The following KCNN3 variants were observed in gnomAD, a reference collection of about 807,000 sequenced individuals.
KCNN3 encodes small conductance calcium-activated potassium channel protein 3.
KCNN3 carries 16 observed loss-of-function variants against 62.9 expected under a neutral mutation model. The ratio of observed to expected loss-of-function variants is 0.25; its 90% CI spans 0.17 to 0.39. The LOEUF (loss-of-function observed/expected upper bound fraction) is 0.39. Among genes scored for constraint, KCNN3 ranks in the 10% least tolerant of loss-of-function variants. The pLI, the probability that KCNN3 is intolerant of heterozygous loss-of-function variation, is 1.00. For synonymous variants in KCNN3, 370 were observed against 389.2 expected (o/e 0.95, Z 0.58); for missense variants, 599 against 949.4 (o/e 0.63, Z 4.85).
In KCNN3 at chr1:154,869,752, C is replaced by CTGCTGCTGCTGT. The variant is rs1653102982; in HGVS notation, c.212_213insACAGCAGCAGCA (p.Gln77_Gln80dup). ...GCTGCTGCTGCTGCTGCTGCTGCTG[C>CTGCTGCTGCTGT]TGCTGCTGCTGCTGAAGCTGCGGAG... On this transcript the variant is annotated inframe_insertion, in exon 1 of 8. Coordinates refer to ENST00000271915, the MANE Select transcript of KCNN3 (RefSeq NM_002249.6). The surrounding 1 kb of genome is among the most constrained non-coding windows in gnomAD (Gnocchi z 6.1). The CTGCTGCTGCTGT allele has an allele frequency of 6.6e-7, 1 of 1,524,064 alleles. No homozygotes were observed. The highest frequency in any genetic ancestry group is 1.4e-5 in the African/African-American group (1 of 72,316). 94.4% of individuals were successfully genotyped at this position (1,524,064 alleles called of 1,614,324 possible). A position where few individuals can be genotyped will look rare whatever the true frequency, so the allele number is the denominator to read the frequency against.
rs1458304703 is a variant in KCNN3 at position 154,702,748 on chromosome 1, T to C, written c.*5228A>G. Reference sequence around the variant, plus strand: ...ATATATATATATATATATATATATATGTACTTTTTCTTTTTGGCTATAAAT... The same window carrying C: ...ATATATATATATATATATATATATACGTACTTTTTCTTTTTGGCTATAAAT... On this transcript the variant is annotated 3_prime_UTR_variant, in exon 8 of 8. Coordinates refer to ENST00000271915, the MANE Select transcript of KCNN3 (RefSeq NM_002249.6). 1.8e-5 allele frequency: 2 copies of C among 113,420 alleles called. No homozygotes were observed. The highest frequency in any genetic ancestry group is 1.9e-4 in the Admixed American group (2 of 10,538). 7.0% of individuals were successfully genotyped at this position (113,420 alleles called of 1,614,324 possible).
At chr1:154,753,244 A>C (rs12122731) in intron 3 of KCNN3, among the ~76,000 whole-genome samples, 1 of 151,874 alleles carries the variant, frequency 6.6e-6, no homozygotes, top group Non-Finnish European at 1.5e-5. Flanking sequence ...TTCTCCAAAA[A>C]AGTCTAGCCA....
In KCNN3 at chr1:154,869,003, A is replaced by C; in HGVS notation, c.933+29T>G. ...TGCTACCTACATATTCCTTTTGTTCAAGGTATAAAGAGAAACCACAGCCCC... is the reference window on the plus strand; with the variant it reads ...TGCTACCTACATATTCCTTTTGTTCCAGGTATAAAGAGAAACCACAGCCCC... On this transcript the variant is annotated intron_variant, in intron 1 of 7. Transcript: ENST00000271915. The surrounding 1 kb of genome is among the most constrained non-coding windows in gnomAD (Gnocchi z 6.1). 2 of 1,609,556 alleles carry C rather than the reference A, an allele frequency of 1.2e-6. No individual in the cohort carries two copies. The highest frequency in any genetic ancestry group is 1.7e-6 in the Non-Finnish European group (2 of 1,176,746).
chr1:154,801,556 G>T (rs891762992), intron 2 of KCNN3, among the ~76,000 whole-genome samples: 19 of 152,192 alleles, frequency 1.2e-4, no homozygotes, highest in Non-Finnish European at 1.8e-4. Context: ...TCTTTAACTA[G>T]GAATCTATTT....
chr1:154,842,236 C>T (rs965324543), intron 1 of KCNN3, among the ~76,000 whole-genome samples: 8 of 152,178 alleles, frequency 5.3e-5, no homozygotes, highest in African/African-American at 1.7e-4. Context: ...GTGATCATGG[C>T]GGCCCCCTTC....
At chr1:154,867,874 G>A (rs1452613448) in intron 1 of KCNN3, 8 of 863,042 alleles carry the variant, frequency 9.3e-6, no homozygotes, top group Non-Finnish European at 1.1e-5. Context: ...CTTGTCCACC[G>A]ATTCCCAGGT....
chr1:154,708,698 C>T (rs1700013409), intron 7 of KCNN3, among the ~76,000 whole-genome samples: 1 of 152,004 alleles, frequency 6.6e-6, no homozygotes, highest in African/African-American at 2.4e-5. Flanking sequence ...GGCTCAAGTA[C>T]ACATCTGCAG....
At chr1:154,758,067 C>G (rs1003218419) in intron 3 of KCNN3, among the ~76,000 whole-genome samples, 7 of 152,120 alleles carry the variant, frequency 4.6e-5, no homozygotes, top group African/African-American at 1.7e-4. Flanking sequence ...TCGTGCGGAC[C>G]CAGAGAACTG....
chr1:154,812,241 AG>A (rs1356809360), intron 2 of KCNN3, among the ~76,000 whole-genome samples: 1 of 152,238 alleles, frequency 6.6e-6, no homozygotes, highest in Non-Finnish European at 1.5e-5. Flanking sequence ...GCACTCTCAG[AG>A]AAACAGAATA....
At chr1:154,831,163 G>T (rs1651364781) in intron 1 of KCNN3, among the ~76,000 whole-genome samples, 1 of 152,340 alleles carries the variant, frequency 6.6e-6, no homozygotes, top group African/African-American at 2.4e-5. Flanking sequence ...GGTCCTTGCT[G>T]CTCCTAAGGT....
intron 1 of KCNN3, among the ~76,000 whole-genome samples, chr1:154,822,697 C>G (rs547443989): frequency 1.4e-3 from 211 of 152,356 alleles, no homozygotes; most frequent in Non-Finnish European, 2.7e-3. Flanking sequence ...CTCTCATCTC[C>G]TGGCTTAGGC....
intron 3 of KCNN3, chr1:154,737,203 A>C: frequency 7.3e-6 from 1 of 136,666 alleles, no homozygotes. Flanking sequence ...GCAATAGAAA[A>C]TTTGGGGGGG....
intron 1 of KCNN3, among the ~76,000 whole-genome samples, chr1:154,842,624 C>T: frequency 3.2e-5 from 2 of 63,076 alleles, no homozygotes; most frequent in South Asian, 1.4e-3. Context: ...GTGGCTCATT[C>T]AGGGACCCCC....
At chr1:154,787,054 T>A (rs1649312513) in intron 2 of KCNN3, among the ~76,000 whole-genome samples, 1 of 152,182 alleles carries the variant, frequency 6.6e-6, no homozygotes, top group South Asian at 2.1e-4. Flanking sequence ...AGTCTCCCCC[T>A]CCAAGGCCAG....
rs1465726985 is a variant in KCNN3, at chr1:154,869,318, G to A, written c.647C>T (p.Pro216Leu). The stretch of plus-strand genomic sequence containing the variant: ...CCGGGAGGAGATGACGATCTCCGGG[G>A]GGTTGCTAGGGCTGAAAAGCTGGAG... ...QPLQLFSPSN[P>L]PEIVISSRED... The change falls in exon 1 of 8, where the codon CCC becomes CTC. Residue 216 changes from proline to leucine, a missense_variant. Pro to Leu is a moderately conservative substitution (Grantham distance 98). Transcript: ENST00000271915. This position sits in a 1 kb window ranked among gnomAD's most constrained non-coding sequence, Gnocchi z 6.1. 2 of 1,613,778 alleles carry A rather than the reference G, an allele frequency of 1.2e-6. No individual in the cohort carries two copies. Among genetic ancestry groups the A allele is most frequent in the African/African-American group, 1.3e-5 (1 of 75,036 alleles).
intron 1 of KCNN3, among the ~76,000 whole-genome samples, chr1:154,865,505 A>G (rs1652917444): frequency 6.6e-6 from 1 of 152,188 alleles, no homozygotes; most frequent in Non-Finnish European, 1.5e-5. Flanking sequence ...CCCAGGAATC[A>G]AGCCCCACCT....
intron 2 of KCNN3, among the ~76,000 whole-genome samples, chr1:154,788,505 A>C (rs1649379836): frequency 6.6e-6 from 1 of 152,210 alleles, no homozygotes; most frequent in African/African-American, 2.4e-5. Flanking sequence ...TATTTCAAGG[A>C]ACACTGGGAA....
intron 1 of KCNN3, among the ~76,000 whole-genome samples, chr1:154,834,795 C>T (rs1470187765): frequency 6.6e-6 from 1 of 152,218 alleles, no homozygotes; most frequent in Non-Finnish European, 1.5e-5. Context: ...CACAGCTGAA[C>T]TGTGGGAGCC....
chr1:154,834,013 C>G (rs531645507), intron 1 of KCNN3, among the ~76,000 whole-genome samples: 1 of 152,358 alleles, frequency 6.6e-6, no homozygotes, highest in Admixed American at 6.5e-5. Context: ...AGAAACAGCA[C>G]AGCCGTGAGT....
Sources: allele counts gnomAD v4.1 joint callset (sites outside exome capture counted in the v4.1 genomes callset), GRCh38; gene constraint gnomAD v4.1.1; non-coding constraint Gnocchi (gnomAD v3.1); transcripts MANE v1.5; gene names NCBI Gene and HGNC (gene_info 2026-07-23, HGNC 2026-07-21).